Variants in APC observed in about 807,000 individuals in gnomAD.
APC encodes APC regulator of Wnt signaling pathway.
Under a neutral mutation model 247.0 loss-of-function variants are expected in APC, and 72 were observed. The ratio of observed to expected loss-of-function variants is 0.29; its 90% CI spans 0.24 to 0.35. APC has a LOEUF of 0.35. Ranked by LOEUF, APC falls within the 10% of genes least tolerant of loss-of-function variation. APC has a pLI of 1.00. For missense variants in APC, 3,400 were observed against 3,360.7 expected, an observed-to-expected ratio of 1.01 and a Z score of -0.29; for synonymous variants, 1,254 against 1,162.5, an observed-to-expected ratio of 1.08 and a Z score of -1.60.
At chr5:112,804,746 C>G (rs1218789433) in intron 8 of APC, among the ~76,000 whole-genome samples, 2 of 152,198 alleles carry the variant, frequency 1.3e-5, no homozygotes, top group East Asian at 3.9e-4. Flanking sequence ...ATAATCCCAA[C>G]ACTTAGGGAG....
At chr5:112,793,264 C>T (rs557161530) in intron 7 of APC, among the ~76,000 whole-genome samples, 1 of 152,104 alleles carries the variant, frequency 6.6e-6, no homozygotes, top group South Asian at 2.1e-4. Context: ...TAGGGGTCAA[C>T]CTTGTTTAAT....
chr5:112,791,316 A>G (rs1462521198), intron 6 of APC, among the ~76,000 whole-genome samples: 1 of 152,214 alleles, frequency 6.6e-6, no homozygotes, highest in African/African-American at 2.4e-5. Flanking sequence ...AATAATGTTT[A>G]GCCACAGTTA....
In APC at chr5:112,815,480, G is replaced by T; in HGVS notation, c.835-15G>T. On this transcript the variant is annotated splice_polypyrimidine_tract_variant and intron_variant, in intron 8 of 15. Coordinates refer to ENST00000257430, the MANE Select transcript of APC (RefSeq NM_000038.6). ...TAGTCTAAATTATACCATCTATAAT[G>T]TGCTTAATTTTTAGGGTTCAACTAC... 1 of 1,591,342 alleles carries T rather than the reference G, an allele frequency of 6.3e-7. No homozygotes were observed.
intron 15 of APC, 46 bp downstream of exon 15, chr5:112,835,211 T>G: frequency 6.7e-7 from 1 of 1,494,326 alleles, no homozygotes; most frequent in Non-Finnish European, 9.2e-7. Context: ...GAATTCATAC[T>G]CTCAAAAAGA....
intron 1 of APC, among the ~76,000 whole-genome samples, chr5:112,719,384 A>ATTT (rs903357963): frequency 1.0e-4 from 15 of 146,754 alleles, no homozygotes; most frequent in African/African-American, 3.3e-4. Flanking sequence ...CGCCCGGCTA[A>ATTT]TTTTTTTTTT....
intron 11 of APC, 96 bp downstream of exon 11, chr5:112,822,087 T>A: frequency 1.1e-6 from 1 of 884,402 alleles, no homozygotes; most frequent in Non-Finnish European, 1.8e-6. Flanking sequence ...TTTTTAATCA[T>A]TGATGAATTA....
rs1220086888 is a variant in APC, at chr5:112,762,311, C to G, written c.136-4015C>G. 3.9e-5 allele frequency among the ~76,000 whole-genome samples: 6 copies of G among 152,138 alleles called. 1 individual carries two copies. Among genetic ancestry groups the G allele is most frequent in the South Asian group, 2.1e-4 (1 of 4,830 alleles). ...TGGCAGTTTCCTTTAAAATTAAACC[C>G]TATGACTCAGTGTTTGCACTCCTAG... On this transcript the variant is annotated intron_variant, in intron 2 of 15. Transcript: ENST00000257430.
intron 14 of APC, 28 bp downstream of exon 14, chr5:112,829,000 AT>A: frequency 6.6e-7 from 1 of 1,505,076 alleles, no homozygotes; most frequent in Non-Finnish European, 9.2e-7. Context: ...TAGTACTATA[AT>A]ATGAATTTCA....
chr5:112,741,173 C>G (rs183509480), intron 1 of APC, among the ~76,000 whole-genome samples: 3 of 152,266 alleles, frequency 2.0e-5, no homozygotes, highest in African/African-American at 4.8e-5. Flanking sequence ...AAACTAATCT[C>G]TAAGAAAACT....
rs985025973 is a variant in APC at position 112,758,615 on chromosome 5, C to T, written c.135+3590C>T. ...CTGGGATTACAGGCATGAGCCACCA[C>T]GCCTGGCCCCCTCCCCACAACTTTT... is the stretch of plus-strand genomic sequence containing the variant. On this transcript the variant is annotated intron_variant, in intron 2 of 15. Coordinates refer to ENST00000257430, the MANE Select transcript of APC (RefSeq NM_000038.6). 9.9e-5 allele frequency among the ~76,000 whole-genome samples: 15 copies of T among 152,178 alleles called. No homozygotes were observed. The East Asian group carries it at 1.5e-3, about 16-fold the overall frequency.
intron 6 of APC, among the ~76,000 whole-genome samples, chr5:112,783,349 A>G (rs866702077): frequency 4.6e-5 from 7 of 152,156 alleles, no homozygotes; most frequent in South Asian, 2.1e-4. Context: ...TGAGAAACAT[A>G]CGTGTTCATT....
chr5:112,718,257 A>G (rs1473134868), intron 1 of APC, among the ~76,000 whole-genome samples: 2 of 152,150 alleles, frequency 1.3e-5, no homozygotes, highest in Non-Finnish European at 2.9e-5. Context: ...TGTTGTAGAA[A>G]TAAATTGATG....
chr5:112,799,921 T>C (rs1760633917), intron 7 of APC, among the ~76,000 whole-genome samples: 1 of 152,130 alleles, frequency 6.6e-6, no homozygotes, highest in African/African-American at 2.4e-5. Context: ...TATTTACTCT[T>C]CAAGTCTTTA....
chr5:112,785,015 G>A (rs1233660020), intron 6 of APC, among the ~76,000 whole-genome samples: 2 of 152,074 alleles, frequency 1.3e-5, no homozygotes. Flanking sequence ...AGTGAGCTAT[G>A]ATCATGCCAC....
At chr5:112,736,773 GC>G (rs1752415545), upstream of APC, among the ~76,000 whole-genome samples, 1 of 152,030 alleles carries the variant, frequency 6.6e-6, no homozygotes, top group South Asian at 2.1e-4. Flanking sequence ...ACTTAGCTGG[GC>G]ATGATGGCAC....
At chr5:112,749,581 G>A (rs980880680) in intron 1 of APC, among the ~76,000 whole-genome samples, 20 of 140,690 alleles carry the variant, frequency 1.4e-4, no homozygotes, top group African/African-American at 5.0e-4. Flanking sequence ...TCCACCTCCC[G>A]TGTTCAAGCG....
chr5:112,740,973 A>G lies in APC; in HGVS notation c.-19+3048A>G, dbSNP rs185484398. On this transcript the variant is annotated intron_variant, in intron 1 of 15. Coordinates refer to ENST00000257430, the MANE Select transcript of APC (RefSeq NM_000038.6). ...TGTATATGTTTAAATGTTCTCTTCAATTTTGATCTCCCTTCTCCCCCTTTT... is the reference window on the plus strand; with the variant it reads ...TGTATATGTTTAAATGTTCTCTTCAGTTTTGATCTCCCTTCTCCCCCTTTT... Among the ~76,000 whole-genome samples, 133 of 152,264 alleles carry G rather than the reference A, an allele frequency of 8.7e-4. 1 individual carries two copies. The highest frequency in any genetic ancestry group is 3.4e-3 in the Middle Eastern group (1 of 294).
chr5:112,725,053 GGCTCACC>G (rs1364919038), intron 1 of APC, among the ~76,000 whole-genome samples: 1 of 151,948 alleles, frequency 6.6e-6, no homozygotes, highest in East Asian at 1.9e-4. Flanking sequence ...GCACAGTCTT[GGCTCACC>G]GCAACCTCTG....
chr5:112,775,325 T>C (rs1317020346), intron 4 of APC, among the ~76,000 whole-genome samples: 1 of 152,156 alleles, frequency 6.6e-6, no homozygotes, highest in Non-Finnish European at 1.5e-5. Flanking sequence ...TATGTGTATC[T>C]TTTACCTATC....
Sources: gnomAD v4.1 joint callset for allele counts (sites outside exome capture counted in the v4.1 genomes callset) on GRCh38, gnomAD v4.1.1 for gene constraint, MANE v1.5 for transcripts, NCBI Gene and HGNC (gene_info 2026-07-23, HGNC 2026-07-21) for gene names.